The following PITPNC1 variants were observed in gnomAD, a reference collection of about 807,000 sequenced individuals.
The protein encoded by PITPNC1 is phosphatidylinositol transfer protein cytoplasmic 1.
A neutral mutation model predicts 44.7 loss-of-function variants in PITPNC1; 18 were observed. The ratio of observed to expected loss-of-function variants is 0.40; its 90% CI spans 0.28 to 0.60. The LOEUF is 0.60. Among genes scored for constraint, PITPNC1 ranks in the 20% least tolerant of loss-of-function variants. The pLI is 0.39. For synonymous variants in PITPNC1, 141 were observed against 149.6 expected, an observed-to-expected ratio of 0.94 and a Z score of 0.42; for missense variants, 290 against 418.4, an observed-to-expected ratio of 0.69 and a Z score of 2.68.
At chr17:67,446,704 G>A (rs376559486) in intron 1 of PITPNC1, among the ~76,000 whole-genome samples, 1 of 151,654 alleles carries the variant, frequency 6.6e-6, no homozygotes, top group South Asian at 2.1e-4. Context: ...AGCCTCTCTG[G>A]GTCCATTGAA....
At chr17:67,644,691 C>T (rs1280758717) in intron 6 of PITPNC1, among the ~76,000 whole-genome samples, 1 of 152,034 alleles carries the variant, frequency 6.6e-6, no homozygotes, top group African/African-American at 2.4e-5. Flanking sequence ...CGCCAAAGTG[C>T]TGGGATTACA....
At chr17:67,588,150 C>A (rs1287541392) in intron 5 of PITPNC1, among the ~76,000 whole-genome samples, 1 of 152,074 alleles carries the variant, frequency 6.6e-6, no homozygotes. Flanking sequence ...ACTACAGGTG[C>A]GCGCCACCAC....
At chr17:67,570,692 G>A (rs2041042293) in intron 4 of PITPNC1, among the ~76,000 whole-genome samples, 1 of 152,146 alleles carries the variant, frequency 6.6e-6, no homozygotes, top group South Asian at 2.1e-4. Context: ...AAGCTCAGAG[G>A]GAATCGTGAA....
intron 1 of PITPNC1, among the ~76,000 whole-genome samples, chr17:67,500,483 G>C (rs375778668): frequency 6.6e-6 from 1 of 152,082 alleles, no homozygotes; most frequent in Non-Finnish European, 1.5e-5. Context: ...CAGGGGCCTC[G>C]AGGAATACCA....
intron 6 of PITPNC1, among the ~76,000 whole-genome samples, chr17:67,661,046 AT>A (rs1401562092): frequency 3.5e-5 from 3 of 86,206 alleles, no homozygotes; most frequent in African/African-American, 1.3e-4. Flanking sequence ...TTTTTTTTGT[AT>A]TTTTAGTAGA....
intron 1 of PITPNC1, among the ~76,000 whole-genome samples, chr17:67,470,579 G>GT: frequency 6.6e-6 from 1 of 152,102 alleles, no homozygotes; most frequent in East Asian, 1.9e-4. Flanking sequence ...AGGGAGGTGG[G>GT]GGGGGTCAGC....
chr17:67,639,353 T>G (rs2042068357), intron 6 of PITPNC1, among the ~76,000 whole-genome samples: 1 of 152,216 alleles, frequency 6.6e-6, no homozygotes, highest in African/African-American at 2.4e-5. Context: ...AAAACAAGAT[T>G]ATGTCAGCCC....
intron 1 of PITPNC1, among the ~76,000 whole-genome samples, chr17:67,479,731 G>A (rs534488777): frequency 1.6e-4 from 24 of 152,210 alleles, no homozygotes; most frequent in East Asian, 3.9e-4. Context: ...ATATCCTGCC[G>A]TCTGATTTCT....
chr17:67,556,048 A>G (rs1002198527), intron 4 of PITPNC1, among the ~76,000 whole-genome samples: 3 of 152,170 alleles, frequency 2.0e-5, no homozygotes, highest in African/African-American at 7.2e-5. Flanking sequence ...GGACTTAGCC[A>G]AGGAAACAAG....
intron 1 of PITPNC1, among the ~76,000 whole-genome samples, chr17:67,447,655 C>T (rs1309757154): frequency 6.6e-6 from 1 of 150,812 alleles, no homozygotes; most frequent in Non-Finnish European, 1.5e-5. Flanking sequence ...GCCTGAGCCA[C>T]CACGCCCATC....
At chr17:67,534,905 A>C (rs570692327) in intron 2 of PITPNC1, among the ~76,000 whole-genome samples, 1 of 152,270 alleles carries the variant, frequency 6.6e-6, no homozygotes, top group East Asian at 1.9e-4. Context: ...CATCTCTGAG[A>C]GGAACCATAT....
At chr17:67,669,266 C>T (rs2042473158) in intron 6 of PITPNC1, among the ~76,000 whole-genome samples, 1 of 152,120 alleles carries the variant, frequency 6.6e-6, no homozygotes, top group Admixed American at 6.5e-5. Flanking sequence ...GGTGGGATTA[C>T]CACCATGCCC....
At chr17:67,472,707 G>C (rs2042886582) in intron 1 of PITPNC1, among the ~76,000 whole-genome samples, 1 of 151,586 alleles carries the variant, frequency 6.6e-6, no homozygotes, top group Admixed American at 6.6e-5. Context: ...GAAAGTTTAT[G>C]AATTTGTGTT....
At chr17:67,516,239 C>G (rs149556711) in intron 1 of PITPNC1, among the ~76,000 whole-genome samples, 2 of 152,200 alleles carry the variant, frequency 1.3e-5, no homozygotes, top group Non-Finnish European at 2.9e-5. Flanking sequence ...ATCCACCTAG[C>G]CTTTTTATCT....
At chr17:67,679,045 C>T (rs941244326) in intron 8 of PITPNC1, among the ~76,000 whole-genome samples, 1 of 152,240 alleles carries the variant, frequency 6.6e-6, no homozygotes, top group Admixed American at 6.5e-5. Context: ...TCTAGCCCAG[C>T]AATTGTTTTA....
At chr17:67,477,861 C>A (rs186852681) in intron 1 of PITPNC1, among the ~76,000 whole-genome samples, 348 of 152,238 alleles carry the variant, frequency 2.3e-3, no homozygotes, top group Admixed American at 7.0e-3. Flanking sequence ...AAAAGTCTTG[C>A]TCATGGCCAG....
At chr17:67,425,211 A>G (rs1347085700) in intron 1 of PITPNC1, among the ~76,000 whole-genome samples, 8,792 of 36,122 alleles carry the variant, frequency 0.24, 946 homozygotes, top group African/African-American at 0.32. Context: ...ACGCACACAC[A>G]CACACACACA....
At position 67,557,345 on chromosome 17, in the gene PITPNC1, G is replaced by A. The variant is rs371556728; in HGVS notation, c.294+3728G>A. 4.6e-5 allele frequency among the ~76,000 whole-genome samples: 7 copies of A among 152,242 alleles called. 1 individual carries two copies. In the South Asian group the frequency reaches 1.5e-3, roughly 32 times the overall value. On this transcript the variant is annotated intron_variant, in intron 4 of 8. Transcript: ENST00000581322. ...ACTGGGGATTACAGCTTCAACATAGGAATTTGGGGGAGACACAGTTCGGCC... is the reference window on the plus strand; with the variant it reads ...ACTGGGGATTACAGCTTCAACATAGAAATTTGGGGGAGACACAGTTCGGCC...
chr17:67,581,629 G>T (rs756358452), intron 5 of PITPNC1, among the ~76,000 whole-genome samples: 16 of 152,146 alleles, frequency 1.1e-4, no homozygotes, highest in Non-Finnish European at 2.2e-4. Context: ...TGGACCACAC[G>T]GCCCAGCCCC....
Sources: gnomAD v4.1 joint callset for allele counts (sites outside exome capture counted in the v4.1 genomes callset) on GRCh38, gnomAD v4.1.1 for gene constraint, MANE v1.5 for transcripts, NCBI Gene and HGNC (gene_info 2026-07-23, HGNC 2026-07-21) for gene names.